Variants in CHD6 observed in about 807,000 individuals in gnomAD.
CHD6 encodes ATP-dependent chromatin remodeler CHD6.
In CHD6, 50 loss-of-function variants were observed where a neutral mutation model predicts 276.9. That is an observed-to-expected ratio of 0.18 (90% CI 0.14 to 0.23). The LOEUF is 0.23. CHD6 is among the 10% of genes least tolerant of loss of function. The pLI is 1.00. For missense variants in CHD6, 2,564 were observed against 3,365.8 expected (o/e 0.76, Z 5.89); for synonymous variants, 1,173 against 1,229.3 (o/e 0.95, Z 0.96).
At position 41,513,012 on chromosome 20, in the gene CHD6, C is replaced by T. The variant is rs753171148; in HGVS notation, c.703-17G>A. 5.0e-6 allele frequency: 8 copies of T among 1,613,832 alleles called. No individual in the cohort carries two copies. The highest frequency in any genetic ancestry group is 1.7e-5 in the Admixed American group (1 of 60,016). On this transcript the variant is annotated splice_polypyrimidine_tract_variant and intron_variant, in intron 4 of 36. Coordinates refer to ENST00000373233, the MANE Select transcript of CHD6 (RefSeq NM_032221.5). The stretch of plus-strand genomic sequence containing the variant: ...GCGTCGTTTCTGTAGGGCAAACACA[C>T]CCGTCAGAGAAGCTCTCTGAGTGAA...
intron 36 of CHD6, among the ~76,000 whole-genome samples, chr20:41,406,542 GTGGAGCTC>G (rs2046680919): frequency 1.3e-5 from 2 of 152,226 alleles, no homozygotes; most frequent in Non-Finnish European, 2.9e-5. Context: ...CTTCCTGAGA[GTGGAGCTC>G]AGGAGCTCTG....
At chr20:41,590,439 G>A (rs1487276274) in intron 1 of CHD6, among the ~76,000 whole-genome samples, 3 of 152,050 alleles carry the variant, frequency 2.0e-5, no homozygotes, top group African/African-American at 7.3e-5. Context: ...CCACAGAATG[G>A]GAGAAAATTT....
chr20:41,597,017 C>G (rs1407514256), intron 1 of CHD6, among the ~76,000 whole-genome samples: 2 of 152,154 alleles, frequency 1.3e-5, no homozygotes, highest in South Asian at 4.2e-4. Flanking sequence ...ACTTAAGCCC[C>G]CACTCACTAG....
chr20:41,505,446 G>C (rs1417857665), intron 5 of CHD6, among the ~76,000 whole-genome samples: 7 of 152,050 alleles, frequency 4.6e-5, no homozygotes, highest in African/African-American at 1.4e-4. Flanking sequence ...CTTCTATCCA[G>C]AACAGTCTCT....
chr20:41,425,058 G>C, intron 29 of CHD6, 120 bp downstream of exon 29: 3 of 738,882 alleles, frequency 4.1e-6, no homozygotes, highest in Non-Finnish European at 6.9e-6. Context: ...ATGAATTCTG[G>C]AGACAACCTA....
chr20:41,451,217 A>G lies in CHD6; in HGVS notation c.3524-112T>C, dbSNP rs1322586882. The stretch of plus-strand genomic sequence containing the variant: ...AGAACAGAGTTGGGCTGTGCTCTGG[A>G]TGGCAGACCCTACTCCTTAGCCCAC... On this transcript the variant is annotated intron_variant, in intron 22 of 36. Coordinates refer to ENST00000373233, the MANE Select transcript of CHD6 (RefSeq NM_032221.5). 1.1e-5 allele frequency: 10 copies of G among 895,562 alleles called. No homozygotes were observed. In the African/African-American group the frequency reaches 1.7e-4, roughly 15 times the overall value. 55.5% of individuals were successfully genotyped at this position (895,562 alleles called of 1,614,324 possible).
chr20:41,559,606 C>T (rs142503864), intron 1 of CHD6, among the ~76,000 whole-genome samples: 1 of 152,242 alleles, frequency 6.6e-6, no homozygotes, highest in African/African-American at 2.4e-5. Flanking sequence ...CTAGAATCCT[C>T]CTATTATAAA....
At chr20:41,469,087 G>A (rs911192482) in intron 17 of CHD6, among the ~76,000 whole-genome samples, 8 of 152,184 alleles carry the variant, frequency 5.3e-5, no homozygotes, top group Non-Finnish European at 1.2e-4. Flanking sequence ...TCCCCTCGGA[G>A]CAGTGTGGGA....
chr20:41,478,372 A>C (rs960357318), intron 16 of CHD6, among the ~76,000 whole-genome samples: 1 of 152,156 alleles, frequency 6.6e-6, no homozygotes, highest in African/African-American at 2.4e-5. Flanking sequence ...AAATGAATGA[A>C]CAGAAAAACC....
chr20:41,505,856 G>A (rs2043964301), intron 5 of CHD6, among the ~76,000 whole-genome samples: 1 of 151,860 alleles, frequency 6.6e-6, no homozygotes, highest in Non-Finnish European at 1.5e-5. Context: ...TATCTCAGAG[G>A]TATTTCGAAT....
intron 5 of CHD6, among the ~76,000 whole-genome samples, chr20:41,510,418 T>TGCAAG (rs1292529344): frequency 1.8e-4 from 28 of 152,360 alleles, no homozygotes; most frequent in Admixed American, 1.2e-3. Context: ...TTGTGTAGCC[T>TGCAAG]GCCCTGCATG....
chr20:41,525,946 TA>T (rs1417192356), intron 3 of CHD6, among the ~76,000 whole-genome samples: 1 of 152,204 alleles, frequency 6.6e-6, no homozygotes, highest in African/African-American at 2.4e-5. Context: ...CCTCAATGAC[TA>T]GTCTCATAGA....
In CHD6 at chr20:41,452,369, T is replaced by C. The variant is rs2048264297; in HGVS notation, c.3324-344A>G. ...TGATGAGCTCATGGCAGCTGAACCT[T>C]TGATTTCTACCAGAGCCAAAGCCCT... On this transcript the variant is annotated intron_variant, in intron 21 of 36. Coordinates refer to ENST00000373233, the MANE Select transcript of CHD6 (RefSeq NM_032221.5). The surrounding 1 kb of genome is among the most constrained non-coding windows in gnomAD (Gnocchi z 4.2). Among the ~76,000 whole-genome samples, 1 of 152,222 alleles carries C rather than the reference T, an allele frequency of 6.6e-6. No homozygotes were observed. The highest frequency in any genetic ancestry group is 6.5e-5 in the Admixed American group (1 of 15,290).
At chr20:41,535,866 TTAAAAA>T (rs2044819587) in intron 2 of CHD6, among the ~76,000 whole-genome samples, 1 of 152,108 alleles carries the variant, frequency 6.6e-6, no homozygotes, top group African/African-American at 2.4e-5. Context: ...ACTCAATCTC[TTAAAAA>T]TAAAAATAAA....
At chr20:41,472,247 A>G (rs1314504345) in intron 17 of CHD6, among the ~76,000 whole-genome samples, 1 of 151,892 alleles carries the variant, frequency 6.6e-6, no homozygotes, top group Non-Finnish European at 1.5e-5. Context: ...GTCTCAAAAA[A>G]AAAAAAAAAA....
intron 10 of CHD6, among the ~76,000 whole-genome samples, chr20:41,492,843 C>T (rs545381192): frequency 6.6e-6 from 1 of 152,350 alleles, no homozygotes; most frequent in African/African-American, 2.4e-5. Context: ...ATTGCTTGAA[C>T]TCGGGAGATG....
At chr20:41,612,128 T>C (rs1218076368) in intron 1 of CHD6, among the ~76,000 whole-genome samples, 1 of 152,190 alleles carries the variant, frequency 6.6e-6, no homozygotes, top group African/African-American at 2.4e-5. Context: ...TATAATTAGA[T>C]TCAACAAACC....
chr20:41,414,139 G>A (rs940313518), intron 34 of CHD6: 1 of 152,208 alleles, frequency 6.6e-6, no homozygotes, highest in Non-Finnish European at 1.5e-5. Context: ...AAGCTTGCAG[G>A]ATTGAGCAGG....
rs1438595790 is a variant in CHD6 at position 41,451,099 on chromosome 20, G to A, written c.3530C>T (p.Ser1177Phe). ...CTTCCTCCCTCTGGGGACTGGGGCAGATAAGCCTGAAACAGAAAGACAGCA... is the reference window on the plus strand; with the variant it reads ...CTTCCTCCCTCTGGGGACTGGGGCAAATAAGCCTGAAACAGAAAGACAGCA... ...AQTLQNHSGL[S>F]APVPRGRKGK... The change falls in exon 23 of 37, where the codon TCT (serine) becomes TTT (phenylalanine). Residue 1177 changes from serine (S) to phenylalanine (F), a missense_variant. By Grantham distance (155) the Ser-to-Phe change is radical (BLOSUM62 -2). Coordinates refer to ENST00000373233, the MANE Select transcript of CHD6 (RefSeq NM_032221.5). The A allele has an allele frequency of 6.2e-7, 1 of 1,613,468 alleles. No homozygotes were observed. Among genetic ancestry groups the A allele is most frequent in the Non-Finnish European group, 8.5e-7 (1 of 1,179,676 alleles).
Sources: allele counts gnomAD v4.1 joint callset (sites outside exome capture counted in the v4.1 genomes callset), GRCh38; gene constraint gnomAD v4.1.1; non-coding constraint Gnocchi (gnomAD v3.1); transcripts MANE v1.5; gene names NCBI Gene and HGNC (gene_info 2026-07-23, HGNC 2026-07-21).